The following UTP14A variants were observed in gnomAD, a reference collection of about 807,000 sequenced individuals.
UTP14A encodes UTP14A small subunit processome component, also known as U3 small nucleolar RNA-associated protein 14 homolog A.
In UTP14A, 5 loss-of-function variants were observed where a neutral mutation model predicts 57.2. The ratio of observed to expected loss-of-function variants is 0.09; its 90% CI spans 0.05 to 0.18. The LOEUF is 0.18. UTP14A is among the 10% of genes least tolerant of loss of function. UTP14A has a pLI of 1.00. For synonymous variants in UTP14A, 169 were observed against 210.9 expected (o/e 0.80, Z 1.72); for missense variants, 430 against 562.1 (o/e 0.76, Z 2.38).
At chrX:129,918,751 T>C (rs1341012042) in intron 6 of UTP14A, among the ~76,000 whole-genome samples, 6 of 110,048 alleles carry the variant, frequency 5.5e-5, no homozygotes, top group African/African-American at 1.7e-4. Context: ...GTGGCAGGCA[T>C]CTGTAGTCCC....
In UTP14A at chrX:129,908,679, G is replaced by C. The variant is rs148026094; in HGVS notation, c.183G>C (p.Leu61Phe). The change falls in exon 4 of 15, where the codon TTG becomes TTC. Residue 61 changes from leucine (L) to phenylalanine (F), a missense_variant. By Grantham distance (22) the Leu-to-Phe change is conservative. Around this residue, in one of 4 missense-constraint regions of UTP14A, gnomAD observed 145 missense variants for 153.5 expected, o/e 0.94. Transcript: ENST00000394422. ...SSLDGKNRRK[L>F]AERSEASLKV... Reference sequence around the variant, plus strand: ...TTTTGCCTAATTTCAGGCGGAAATTGGCTGAGAGGTCTGAGGCTAGTCTGA... The same window carrying C: ...TTTTGCCTAATTTCAGGCGGAAATTCGCTGAGAGGTCTGAGGCTAGTCTGA... The C allele has an allele frequency of 1.7e-5, 20 of 1,209,388 alleles. No homozygotes were observed. The African/African-American group carries it at 2.8e-4, about 17-fold the overall frequency.
chrX:129,916,950 T>C (rs1483639118), intron 6 of UTP14A, among the ~76,000 whole-genome samples: 1 of 111,624 alleles, frequency 9.0e-6, no homozygotes, highest in East Asian at 2.8e-4. Context: ...TAATATTTAA[T>C]GGTAATTTCC....
chrX:129,907,601 A>G (rs1296569755), intron 2 of UTP14A, among the ~76,000 whole-genome samples, 159 bp downstream of exon 2: 3 of 112,428 alleles, frequency 2.7e-5, no homozygotes, highest in Non-Finnish European at 5.6e-5. Flanking sequence ...ATTAAGTGCT[A>G]TGAGGATTTG....
chrX:129,910,521 C>CA (rs1195359925), intron 4 of UTP14A, among the ~76,000 whole-genome samples: 11 of 107,285 alleles, frequency 1.0e-4, no homozygotes, highest in South Asian at 4.0e-4. Context: ...CCCATCTCTA[C>CA]AAAAAAAAAA....
At chrX:129,922,362 T>C (rs1320670188) in intron 11 of UTP14A, 3 of 112,420 alleles carry the variant, frequency 2.7e-5, no homozygotes, top group Admixed American at 1.9e-4. Context: ...TGGTTTCACA[T>C]AGGAATGCAT....
rs778202305 is a variant in UTP14A at position 129,921,355 on chromosome X, G to T, written c.1116G>T (p.Pro372=). 5.8e-6 allele frequency: 7 copies of T among 1,209,846 alleles called. No homozygotes were observed. The African/African-American group carries it at 1.1e-4, about 18-fold the overall frequency. The change falls in exon 11 of 15, where the codon CCG becomes CCT. Residue 372 remains proline (P), a synonymous_variant. Transcript: ENST00000394422. ...VNEVQMNADG[P]NPWMLRSCTS... is the part of the protein sequence containing the mutation. ...AAGTGCAGATGAATGCAGATGGGCC[G>T]AATCCCTGGATGCTCAGGAGCTGCA...
intron 4 of UTP14A, among the ~76,000 whole-genome samples, chrX:129,909,451 C>T (rs1929382587): frequency 9.0e-6 from 1 of 110,725 alleles, no homozygotes; most frequent in African/African-American, 3.3e-5. Context: ...CCTCGTGATC[C>T]ACCCGCCGCA....
At position 129,911,570 on chromosome X, in the gene UTP14A, A is replaced by AAAT. The variant is rs765265673; in HGVS notation, c.382-183_382-181dup. On this transcript the variant is annotated intron_variant, in intron 5 of 14. Transcript: ENST00000394422. Reference sequence around the variant, plus strand: ...GGGCAACACGAGTGAAACTCCATCTAAATAATAATAATAATCTAGGAGAAA... The same window carrying AAAT: ...GGGCAACACGAGTGAAACTCCATCTAAATAATAATAATAATAATCTAGGAGAAA... 3.6e-5 allele frequency among the ~76,000 whole-genome samples: 4 copies of AAAT among 111,230 alleles called. No individual in the cohort carries two copies. In the South Asian group the frequency reaches 1.1e-3, roughly 32 times the overall value.
At chrX:129,924,283 C>T (rs1603017738) in intron 11 of UTP14A, among the ~76,000 whole-genome samples, 1 of 82,540 alleles carries the variant, frequency 1.2e-5, no homozygotes, top group African/African-American at 5.1e-5. Context: ...TCACATGCTA[C>T]TTTTTTTTTT....
intron 14 of UTP14A, among the ~76,000 whole-genome samples, chrX:129,927,352 C>T (rs781600202): frequency 9.0e-6 from 1 of 111,667 alleles, no homozygotes; most frequent in South Asian, 3.7e-4. Context: ...TTTTCTGTTG[C>T]CCTGGTTGAC....
intron 2 of UTP14A, 87 bp downstream of exon 2, chrX:129,907,529 T>C: frequency 1.2e-6 from 1 of 812,251 alleles, no homozygotes; most frequent in Non-Finnish European, 1.8e-6. Flanking sequence ...TCTATGTATT[T>C]GTTCAGGTCT....
chrX:129,929,717 AG>A lies in UTP14A; in HGVS notation c.*110del. 1.0e-6 allele frequency: 1 copy of A among 955,179 alleles called. No homozygotes were observed. Among genetic ancestry groups the A allele is most frequent in the Non-Finnish European group, 1.4e-6 (1 of 701,294 alleles). The allele number at this position is 955,179 out of a possible 1,213,427, so 78.7% of individuals were successfully genotyped here. A position where few individuals can be genotyped will look rare whatever the true frequency, so the allele number is the denominator to read the frequency against. On this transcript the variant is annotated 3_prime_UTR_variant, in exon 15 of 15. Coordinates refer to ENST00000394422, the MANE Select transcript of UTP14A (RefSeq NM_006649.4). The stretch of plus-strand genomic sequence containing the variant: ...TGGCTCAGTACATTGCATGTAGTTA[AG>A]CCACATTTTAAAAATAAAGGCATTT...
chrX:129,912,439 C>T (rs1251220614), intron 6 of UTP14A, among the ~76,000 whole-genome samples: 1 of 109,769 alleles, frequency 9.1e-6, no homozygotes, highest in African/African-American at 3.3e-5. Context: ...CACTTTTCAT[C>T]TGCTTGTAGT....
chrX:129,928,148 A>G (rs1930171896), intron 14 of UTP14A, among the ~76,000 whole-genome samples: 1 of 108,864 alleles, frequency 9.2e-6, no homozygotes, highest in Admixed American at 9.9e-5. Context: ...TGGGAGGCCA[A>G]GGCGGGTGGA....
chrX:129,915,595 G>A (rs1239957698), intron 6 of UTP14A, among the ~76,000 whole-genome samples: 1 of 109,914 alleles, frequency 9.1e-6, no homozygotes, highest in African/African-American at 3.3e-5. Context: ...AACTTAGGGT[G>A]TACAAACTGA....
At chrX:129,920,332 C>T in intron 8 of UTP14A, 125 bp from the exon 9 acceptor site, 2 of 990,570 alleles carry the variant, frequency 2.0e-6, no homozygotes, top group African/African-American at 1.9e-5. Context: ...TCCCTATAGC[C>T]AACTAGCTCT....
chrX:129,916,310 C>A (rs1376994044), intron 6 of UTP14A, among the ~76,000 whole-genome samples: 1 of 111,193 alleles, frequency 9.0e-6, no homozygotes, highest in Non-Finnish European at 1.9e-5. Flanking sequence ...ATGTGACTAG[C>A]AGGGATCACC....
chrX:129,925,859 G>A lies in UTP14A; in HGVS notation c.1750-60G>A, dbSNP rs148402379. ...AAATGTCACGACCCGAAATTCAAGC[G>A]TTCTCGCCATGAACCACAGCTCATA... On this transcript the variant is annotated intron_variant, in intron 12 of 14. Transcript: ENST00000394422. 8.7e-5 allele frequency: 103 copies of A among 1,177,245 alleles called. No individual in the cohort carries two copies. The African/African-American group carries it at 1.2e-3, about 14-fold the overall frequency.
chrX:129,924,905 G>A lies in UTP14A; in HGVS notation c.1459G>A (p.Val487Ile). 8.3e-7 allele frequency: 1 copy of A among 1,211,583 alleles called. No individual in the cohort carries two copies. The highest frequency in any genetic ancestry group is 1.1e-6 in the Non-Finnish European group (1 of 895,513). The change falls in exon 12 of 15, where the codon GTC (valine) becomes ATC (isoleucine). Residue 487 changes from valine (V) to isoleucine (I), a missense_variant. Val to Ile is a conservative substitution (Grantham distance 29, BLOSUM62 3). Coordinates refer to ENST00000394422, the MANE Select transcript of UTP14A (RefSeq NM_006649.4). Reference sequence around the variant, plus strand: ...AAGTTCAGAGGGGACTATTCCCCAGGTCCAGAGAGAGGAACCTGCCCCAGA... The same window carrying A: ...AAGTTCAGAGGGGACTATTCCCCAGATCCAGAGAGAGGAACCTGCCCCAGA... ...KASSEGTIPQ[V>I]QREEPAPEEE...
Sources: allele counts gnomAD v4.1 joint callset (sites outside exome capture counted in the v4.1 genomes callset), GRCh38; gene constraint gnomAD v4.1.1; regional missense constraint gnomAD v4.1.1; transcripts MANE v1.5; gene names NCBI Gene and HGNC (gene_info 2026-07-23, HGNC 2026-07-21).